Variants in MBNL1 observed in about 807,000 individuals in gnomAD.
MBNL1 encodes muscleblind like splicing regulator 1.
MBNL1 carries 8 observed loss-of-function variants against 42.2 expected under a neutral mutation model. That is an observed-to-expected ratio of 0.19 (90% confidence interval 0.11 to 0.34). The LOEUF (loss-of-function observed/expected upper bound fraction) is 0.34, where lower values mean the gene tolerates loss of function less well. Ranked by LOEUF, MBNL1 falls within the 10% of genes least tolerant of loss-of-function variation. The pLI, the probability that MBNL1 is intolerant of heterozygous loss-of-function variation, is 1.00. For synonymous variants in MBNL1, 169 were observed against 173.9 expected (o/e 0.97, Z 0.22); for missense variants, 309 against 495.3 (o/e 0.62, Z 3.57).
At chr3:152,361,209 T>C (rs1236841368) in intron 2 of MBNL1, among the ~76,000 whole-genome samples, 1 of 152,046 alleles carries the variant, frequency 6.6e-6, no homozygotes, top group African/African-American at 2.4e-5. Flanking sequence ...TGCCAGAGAC[T>C]GTGGGTATAC....
intron 2 of MBNL1, among the ~76,000 whole-genome samples, chr3:152,399,096 T>G (rs369221714): frequency 5.5e-4 from 84 of 152,356 alleles, no homozygotes; most frequent in African/African-American, 2.0e-3. Flanking sequence ...CGTGCCTTGT[T>G]TCCTTTCTTA....
intron 1 of MBNL1, among the ~76,000 whole-genome samples, chr3:152,273,713 AAAAGGTG>A (rs2043227066): frequency 6.6e-6 from 1 of 152,210 alleles, no homozygotes; most frequent in African/African-American, 2.4e-5. Context: ...AGTTATTCCA[AAAAGGTG>A]AAGATGTTTC....
In MBNL1 at chr3:152,341,708, C is replaced by A. The variant is rs534861255; in HGVS notation, c.174+41341C>A. ...TAAGCCTTTTATGATACGATTATTT[C>A]CTTTGTTGTAATAAATTTCTCAGCC... On this transcript the variant is annotated intron_variant, in intron 2 of 9. Coordinates refer to ENST00000324210, the MANE Select transcript of MBNL1 (RefSeq NM_021038.5). Among the ~76,000 whole-genome samples, 3 of 152,170 alleles carry A rather than the reference C, an allele frequency of 2.0e-5. No homozygotes were observed. In the East Asian group the frequency reaches 5.8e-4, roughly 29 times the overall value.
intron 1 of MBNL1, chr3:152,299,119 A>G (rs935037420): frequency 1.3e-5 from 2 of 152,570 alleles, no homozygotes; most frequent in Non-Finnish European, 2.9e-5. Flanking sequence ...GACAACCCAC[A>G]CTATTGGCTT....
chr3:152,360,635 C>T (rs770889170), intron 2 of MBNL1, among the ~76,000 whole-genome samples: 4 of 152,004 alleles, frequency 2.6e-5, no homozygotes, highest in Admixed American at 6.6e-5. Flanking sequence ...ACTCTGTTGA[C>T]CCTTCATTAA....
intron 2 of MBNL1, among the ~76,000 whole-genome samples, chr3:152,260,927 G>A (rs181030463): frequency 6.6e-6 from 1 of 152,138 alleles, no homozygotes; most frequent in Non-Finnish European, 1.5e-5. Context: ...ATGCATATGG[G>A]CACCAGCCTA....
chr3:152,443,181 C>T (rs1309189449), intron 4 of MBNL1, among the ~76,000 whole-genome samples: 1 of 1,506 alleles, frequency 6.6e-4, no homozygotes, highest in African/African-American at 1.0e-3. Flanking sequence ...CCTGTAGAAA[C>T]CCCCCCCCCC....
At chr3:152,396,357 G>A in intron 2 of MBNL1, 1 of 162,824 alleles carries the variant, frequency 6.1e-6, no homozygotes, top group Non-Finnish European at 1.3e-5. Flanking sequence ...GGGAAGAATT[G>A]TCTTCCACGA....
intron 3 of MBNL1, among the ~76,000 whole-genome samples, chr3:152,431,613 G>T (rs1336794605): frequency 6.6e-6 from 1 of 152,056 alleles, no homozygotes; most frequent in Non-Finnish European, 1.5e-5. Context: ...CTATAATTCT[G>T]TTCATTACTG....
chr3:152,405,804 C>G (rs113825235), intron 2 of MBNL1, among the ~76,000 whole-genome samples: 119 of 152,228 alleles, frequency 7.8e-4, no homozygotes, highest in Admixed American at 2.9e-3. Flanking sequence ...AAGGCATGCT[C>G]TACACATAGA....
intron 1 of MBNL1, among the ~76,000 whole-genome samples, chr3:152,285,753 G>A (rs534651976): frequency 2.6e-4 from 39 of 150,796 alleles, no homozygotes; most frequent in Non-Finnish European, 2.4e-4. Context: ...CTTCCAAGTA[G>A]CTTGTACTGC....
At chr3:152,364,134 CT>C (rs2096200372) in intron 2 of MBNL1, among the ~76,000 whole-genome samples, 1 of 151,934 alleles carries the variant, frequency 6.6e-6, no homozygotes, top group East Asian at 1.9e-4. Context: ...TAGTTAGTTC[CT>C]TTTGTCTCTA....
intron 2 of MBNL1, among the ~76,000 whole-genome samples, chr3:152,384,718 A>T (rs2097336382): frequency 6.6e-6 from 1 of 152,082 alleles, no homozygotes; most frequent in Non-Finnish European, 1.5e-5. Context: ...CCAACTTTTG[A>T]TTTTAAAACT....
At chr3:152,391,990 T>C (rs1336798645) in intron 2 of MBNL1, among the ~76,000 whole-genome samples, 2 of 152,168 alleles carry the variant, frequency 1.3e-5, no homozygotes, top group Non-Finnish European at 2.9e-5. Flanking sequence ...TCTTTGTTTC[T>C]ATAATATCAA....
intron 2 of MBNL1, among the ~76,000 whole-genome samples, chr3:152,344,812 T>C (rs2093948560): frequency 6.6e-6 from 1 of 152,208 alleles, no homozygotes; most frequent in African/African-American, 2.4e-5. Flanking sequence ...TTTTCAGATG[T>C]GCCTGTAAAG....
intron 2 of MBNL1, among the ~76,000 whole-genome samples, chr3:152,246,679 T>C (rs2033113374): frequency 6.6e-6 from 1 of 152,110 alleles, no homozygotes; most frequent in African/African-American, 2.4e-5. Flanking sequence ...CATGATTGTC[T>C]AAGAAGTTTT....
At chr3:152,342,286 A>G (rs2093414777) in intron 2 of MBNL1, among the ~76,000 whole-genome samples, 1 of 152,122 alleles carries the variant, frequency 6.6e-6, no homozygotes, top group Non-Finnish European at 1.5e-5. Flanking sequence ...TTGGGTTGCC[A>G]TTCACTTGCT....
chr3:152,292,317 A>G (rs1049905141), intron 1 of MBNL1, among the ~76,000 whole-genome samples: 10 of 152,216 alleles, frequency 6.6e-5, no homozygotes, highest in African/African-American at 2.4e-4. Flanking sequence ...AAATATGAAT[A>G]CTTAAGGATC....
intron 1 of MBNL1, among the ~76,000 whole-genome samples, chr3:152,286,829 G>A (rs927587953): frequency 1.3e-5 from 2 of 152,042 alleles, no homozygotes; most frequent in Non-Finnish European, 2.9e-5. Context: ...TAAATGTTGT[G>A]AGGGATTTTT....
Sources: allele counts gnomAD v4.1 joint callset (sites outside exome capture counted in the v4.1 genomes callset), GRCh38; gene constraint gnomAD v4.1.1; transcripts MANE v1.5; gene names NCBI Gene and HGNC (gene_info 2026-07-23, HGNC 2026-07-21).